ADGRB2: variants seen among roughly 807,000 people sequenced by gnomAD.
ADGRB2 encodes the protein adhesion G protein-coupled receptor B2, also known as brain-specific angiogenesis inhibitor 2.
Under a neutral mutation model 178.7 loss-of-function variants are expected in ADGRB2, and 47 were observed. The observed-to-expected ratio is 0.26, with a 90% CI of 0.21 to 0.34. ADGRB2 has a LOEUF of 0.34. Ranked by LOEUF, ADGRB2 falls within the 10% of genes least tolerant of loss-of-function variation. The pLI is 1.00. For synonymous variants in ADGRB2, 870 were observed against 912.4 expected, an observed-to-expected ratio of 0.95 and a Z score of 0.84; for missense variants, 1,584 against 2,180.8, an observed-to-expected ratio of 0.73 and a Z score of 5.45.
Position 31,756,505 on chromosome 1 carries a change from C to T in ADGRB2, c.332G>A (p.Arg111Gln), listed in dbSNP as rs375962742. The T allele has an allele frequency of 1.3e-5, 21 of 1,612,856 alleles. No individual in the cohort carries two copies. Among genetic ancestry groups the T allele is most frequent in the South Asian group, 3.3e-5 (3 of 90,954 alleles). The change falls in exon 4 of 33, where the codon CGG becomes CAG. Residue 111 changes from arginine (R) to glutamine (Q), a missense_variant. Physicochemically the swap from Arg to Gln is conservative, Grantham distance 43. Around this residue, in one of 3 missense-constraint regions of ADGRB2, gnomAD observed 657 missense variants for 847.6 expected, o/e 0.78. Coordinates refer to ENST00000373658, the MANE Select transcript of ADGRB2 (RefSeq NM_001364857.2). This position sits in a 1 kb window ranked among gnomAD's most constrained non-coding sequence, Gnocchi z 8.5. ...DHYLVNFTCL[R>Q]PSPEEAVAQA... ...GGCCACCGCCTCCTCGGGGCTAGGC[C>T]GCAGGCAGGTAAAGTTGACCAGGTA...
chr1:31,744,375 CG>C lies in ADGRB2; in HGVS notation c.923-19del. 1 of 1,547,872 alleles carries C rather than the reference CG, an allele frequency of 6.5e-7. No homozygotes were observed. Among genetic ancestry groups the C allele is most frequent in the Non-Finnish European group, 8.7e-7 (1 of 1,146,314 alleles). ...CGGGTCGCCTACGAGAGAGGGACAG[CG>C]TCGGCGGCAGGGGGCACCTCCCAAG... On this transcript the variant is annotated intron_variant, in intron 5 of 32. Transcript: ENST00000373658. The surrounding 1 kb of genome is among the most constrained non-coding windows in gnomAD (Gnocchi z 6.7).
At position 31,728,777 on chromosome 1, in the gene ADGRB2, A is replaced by T; in HGVS notation, c.4381-144T>A. ...CCAGGCCCAGAAGTTGCGGACCTTC[A>T]TGGGGCAGCTTTTCAGGCCTCACTG... is the stretch of plus-strand genomic sequence containing the variant. On this transcript the variant is annotated intron_variant, in intron 29 of 32. Coordinates refer to ENST00000373658, the MANE Select transcript of ADGRB2 (RefSeq NM_001364857.2). The surrounding 1 kb of genome is among the most constrained non-coding windows in gnomAD (Gnocchi z 6.7). 1.1e-5 allele frequency: 7 copies of T among 647,276 alleles called. No homozygotes were observed. The highest frequency in any genetic ancestry group is 2.3e-5 in the Admixed American group (1 of 43,610). 40.1% of individuals were successfully genotyped at this position (647,276 alleles called of 1,614,324 possible).
chr1:31,739,839 T>C, intron 14 of ADGRB2, 87 bp downstream of exon 14: 3 of 1,335,286 alleles, frequency 2.2e-6, no homozygotes, highest in Non-Finnish European at 3.2e-6. Context: ...GACAGAAAGA[T>C]ACAAATACGG....
intron 29 of ADGRB2, among the ~76,000 whole-genome samples, chr1:31,729,900 A>C (rs1645189446): frequency 6.6e-6 from 1 of 152,248 alleles, no homozygotes; most frequent in Non-Finnish European, 1.5e-5. Context: ...GCAGGCACCA[A>C]ATGTTCCAGA....
Position 31,759,385 on chromosome 1 carries a change from G to C in ADGRB2, c.-190-1874C>G. The stretch of plus-strand genomic sequence containing the variant: ...AAGTGTCAGGCAGGATCCTCTGCGG[G>C]GTCTTCCTTTGCATGTCTGAAGCTG... On this transcript the variant is annotated intron_variant, in intron 1 of 32. Transcript: ENST00000373658. This position sits in a 1 kb window ranked among gnomAD's most constrained non-coding sequence, Gnocchi z 4.3. 1 of 779,552 alleles carries C rather than the reference G, an allele frequency of 1.3e-6. No homozygotes were observed. The highest frequency in any genetic ancestry group is 2.4e-6 in the Non-Finnish European group (1 of 417,898). 48.3% of individuals were successfully genotyped at this position (779,552 alleles called of 1,614,324 possible). A position where few individuals can be genotyped will look rare whatever the true frequency, so the allele number is the denominator to read the frequency against.
Position 31,732,939 on chromosome 1 carries a change from G to C in ADGRB2, c.3624+33C>G, listed in dbSNP as rs777384211. 6.5e-6 allele frequency: 10 copies of C among 1,545,124 alleles called. No individual in the cohort carries two copies. The Admixed American group carries it at 1.8e-4, about 27-fold the overall frequency. On this transcript the variant is annotated intron_variant, in intron 26 of 32. Coordinates refer to ENST00000373658, the MANE Select transcript of ADGRB2 (RefSeq NM_001364857.2). ...AAGCCAAGGGCCTGGCAGGTGTGGTGGGCACACACAGGCGGGAGAGGCCCA... is the reference window on the plus strand; with the variant it reads ...AAGCCAAGGGCCTGGCAGGTGTGGTCGGCACACACAGGCGGGAGAGGCCCA...
At position 31,740,076 on chromosome 1, in the gene ADGRB2, C is replaced by G; in HGVS notation, c.2058+34G>C. ...TGTAAGGGTCCAAGGCAGGGTGGGT[C>G]ACGGGAGGAGAAGCTGGCAGCTGTG... On this transcript the variant is annotated intron_variant, in intron 13 of 32. Transcript: ENST00000373658. This position sits in a 1 kb window ranked among gnomAD's most constrained non-coding sequence, Gnocchi z 5.9. 5.0e-6 allele frequency: 8 copies of G among 1,614,156 alleles called. No homozygotes were observed. Among genetic ancestry groups the G allele is most frequent in the Non-Finnish European group, 6.8e-6 (8 of 1,180,006 alleles).
chr1:31,730,676 G>C (rs1645234155), intron 29 of ADGRB2, 124 bp downstream of exon 29: 1 of 1,277,568 alleles, frequency 7.8e-7, no homozygotes, highest in Non-Finnish European at 1.0e-6. Flanking sequence ...GAAATGCTCA[G>C]TGTATCCACT....
Position 31,739,586 on chromosome 1 carries a change from C to T in ADGRB2, c.2217G>A (p.Thr739=), listed in dbSNP as rs919366480. Residue 739 remains threonine, a synonymous_variant, in exon 15 of 33, where the codon ACG becomes ACA. Transcript: ENST00000373658. ...EPVSAVSSDI[T]FPMRGRRGMK... The stretch of plus-strand genomic sequence containing the variant: ...TGCCCCGGCGGCCCCGCATGGGGAA[C>T]GTGATGTCACTGGACACAGCTGAGA... The T allele has an allele frequency of 8.1e-6, 13 of 1,609,348 alleles. No homozygotes were observed. Among genetic ancestry groups the T allele is most frequent in the Middle Eastern group, 1.6e-4 (1 of 6,070 alleles).
In ADGRB2 at chr1:31,727,681, TC is replaced by T; in HGVS notation, c.4573-77del. 7.2e-7 allele frequency: 1 copy of T among 1,382,564 alleles called. No homozygotes were observed. The highest frequency in any genetic ancestry group is 3.1e-5 in the Admixed American group (1 of 32,334). 85.6% of individuals were successfully genotyped at this position (1,382,564 alleles called of 1,614,324 possible). A position where few individuals can be genotyped will look rare whatever the true frequency, so the allele number is the denominator to read the frequency against. On this transcript the variant is annotated intron_variant, in intron 32 of 32. Transcript: ENST00000373658. This position sits in a 1 kb window ranked among gnomAD's most constrained non-coding sequence, Gnocchi z 4.4. ...TTGTACAGACGATCAAACTGAGGAGTCCCAGAGAGGGCTGGTAATGCCCAAA... is the reference window on the plus strand; with the variant it reads ...TTGTACAGACGATCAAACTGAGGAGTCCAGAGAGGGCTGGTAATGCCCAAA...
Position 31,735,110 on chromosome 1 carries a change from C to G in ADGRB2, c.3452+73G>C. 1.6e-6 allele frequency: 2 copies of G among 1,214,396 alleles called. No homozygotes were observed. The highest frequency in any genetic ancestry group is 5.4e-5 in the East Asian group (2 of 37,254). 75.2% of individuals were successfully genotyped at this position (1,214,396 alleles called of 1,614,324 possible). A position where few individuals can be genotyped will look rare whatever the true frequency, so the allele number is the denominator to read the frequency against. On this transcript the variant is annotated intron_variant, in intron 25 of 32. Transcript: ENST00000373658. The surrounding 1 kb of genome is among the most constrained non-coding windows in gnomAD (Gnocchi z 6.0). ...TGGGCTGATATCCCTCCTCCTCCCC[C>G]CACCATGGGCACTGCCCCCCCCAAT...
chr1:31,732,421 C>T (rs574016978), intron 27 of ADGRB2, 96 bp downstream of exon 27: 1 of 1,435,556 alleles, frequency 7.0e-7, no homozygotes, highest in South Asian at 1.2e-5. Context: ...TGTCCCAACC[C>T]TGCCATGGAT....
intron 17 of ADGRB2, 65 bp from the exon 18 acceptor site, chr1:31,738,391 C>T: frequency 1.2e-6 from 2 of 1,601,278 alleles, no homozygotes; most frequent in Non-Finnish European, 1.7e-6. Context: ...CAGTCCTGGC[C>T]ACTGCCCAAG....
chr1:31,742,290 G>A, intron 7 of ADGRB2, 73 bp from the exon 8 acceptor site: 1 of 1,522,244 alleles, frequency 6.6e-7, no homozygotes, highest in Non-Finnish European at 8.8e-7. Flanking sequence ...GAGAACCACA[G>A]GAAGACCCAG....
At chr1:31,763,562 C>CGA (rs2149082655) in intron 1 of ADGRB2, among the ~76,000 whole-genome samples, 1 of 143,532 alleles carries the variant, frequency 7.0e-6, no homozygotes, top group Admixed American at 7.3e-5. Context: ...GGGAAAGACT[C>CGA]GAGACAGCAA....
intron 15 of ADGRB2, 22 bp from the exon 16 acceptor site, chr1:31,738,959 C>A: frequency 6.4e-7 from 1 of 1,571,586 alleles, no homozygotes; most frequent in South Asian, 1.1e-5. Flanking sequence ...GTACCGAAGT[C>A]AGCTCCTGCC....
chr1:31,763,922 G>C lies in ADGRB2; in HGVS notation c.-229C>G. 1.0e-6 allele frequency: 1 copy of C among 985,708 alleles called. No homozygotes were observed. The highest frequency in any genetic ancestry group is 1.2e-6 in the Non-Finnish European group (1 of 830,116). 61.1% of individuals were successfully genotyped at this position (985,708 alleles called of 1,614,324 possible). On this transcript the variant is annotated 5_prime_UTR_variant, in exon 1 of 33. Coordinates refer to ENST00000373658, the MANE Select transcript of ADGRB2 (RefSeq NM_001364857.2). ...GCAGCAGGAGCGGGGGCCGGCGCTG[G>C]CGGGGGCGGCCACGGGGCGCAAGTT...
At position 31,727,290 on chromosome 1, in the gene ADGRB2, A is replaced by G. The variant is rs1041331176; in HGVS notation, c.*130T>C. ...ATGTCCGGCTCCCCCAGCCTGGCTG[A>G]GTCCACGGCGCCTCCCTGCCCAGCC... On this transcript the variant is annotated 3_prime_UTR_variant, in exon 33 of 33. Coordinates refer to ENST00000373658, the MANE Select transcript of ADGRB2 (RefSeq NM_001364857.2). This position sits in a 1 kb window ranked among gnomAD's most constrained non-coding sequence, Gnocchi z 4.4. 21 of 1,170,082 alleles carry G rather than the reference A, an allele frequency of 1.8e-5. No individual in the cohort carries two copies. Among genetic ancestry groups the G allele is most frequent in the Admixed American group, 3.9e-5 (1 of 25,600 alleles). The allele number at this position is 1,170,082 out of a possible 1,614,324, so 72.5% of individuals were successfully genotyped here.
chr1:31,731,560 GGTAA>G, intron 28 of ADGRB2, 141 bp from the exon 29 acceptor site: 1 of 1,057,072 alleles, frequency 9.5e-7, no homozygotes, highest in Non-Finnish European at 1.3e-6. Flanking sequence ...CTGGGTGGTT[GGTAA>G]TCTCTCACAT....
Sources: allele counts gnomAD v4.1 joint callset (sites outside exome capture counted in the v4.1 genomes callset), GRCh38; gene constraint gnomAD v4.1.1; regional missense constraint gnomAD v4.1.1; non-coding constraint Gnocchi (gnomAD v3.1); transcripts MANE v1.5; gene names NCBI Gene and HGNC (gene_info 2026-07-23, HGNC 2026-07-21).